ELAPOR1: variants seen among roughly 807,000 people sequenced by gnomAD.
The protein encoded by ELAPOR1 is endosome-lysosome associated apoptosis and autophagy regulator 1, also known as endosome/lysosome-associated apoptosis and autophagy regulator 1.
In ELAPOR1, 77 loss-of-function variants were observed where a neutral mutation model predicts 119.7. The observed-to-expected ratio is 0.64, with a 90% CI of 0.54 to 0.78. The LOEUF is 0.78. Ranked by LOEUF, ELAPOR1 falls within the 30% of genes least tolerant of loss-of-function variation. The pLI is 0.00. For synonymous variants in ELAPOR1, 481 were observed against 487.2 expected, an observed-to-expected ratio of 0.99 and a Z score of 0.17; for missense variants, 1,115 against 1,270.4, an observed-to-expected ratio of 0.88 and a Z score of 1.86.
intron 7 of ELAPOR1, among the ~76,000 whole-genome samples, chr1:109,181,929 G>T (rs1197274351): frequency 2.6e-5 from 4 of 152,188 alleles, no homozygotes; most frequent in Non-Finnish European, 5.9e-5. Context: ...ACGAACCCAT[G>T]TGGTGCCTGG....
At chr1:109,190,975 A>G (rs1270417682) in intron 11 of ELAPOR1, among the ~76,000 whole-genome samples, 1 of 152,152 alleles carries the variant, frequency 6.6e-6, no homozygotes, top group African/African-American at 2.4e-5. Flanking sequence ...GCAGATTCTG[A>G]TTCACTGGGC....
At chr1:109,200,968 T>C (rs1654136666) in intron 21 of ELAPOR1, 68 bp downstream of exon 21, 14 of 1,489,828 alleles carry the variant, frequency 9.4e-6, no homozygotes, top group Non-Finnish European at 1.3e-5. Flanking sequence ...CCTCAGACAC[T>C]GAATGGTCCT....
intron 1 of ELAPOR1, among the ~76,000 whole-genome samples, chr1:109,129,379 A>T (rs1244461224): frequency 2.6e-5 from 4 of 152,114 alleles, no homozygotes; most frequent in African/African-American, 9.7e-5. Flanking sequence ...GCGTGGTGGC[A>T]CACGCCTGTA....
At chr1:109,162,149 C>T (rs1258614972) in intron 2 of ELAPOR1, 135 bp downstream of exon 2, 5 of 934,562 alleles carry the variant, frequency 5.4e-6, no homozygotes, top group South Asian at 1.7e-5. Flanking sequence ...CAATTAGTCC[C>T]CACATCCCAG....
intron 14 of ELAPOR1, 57 bp from the exon 15 acceptor site, chr1:109,194,364 G>A (rs931874236): frequency 5.6e-5 from 85 of 1,511,824 alleles, no homozygotes; most frequent in South Asian, 1.8e-4. Context: ...ACTCTTGGCT[G>A]CAGGCCCTCA....
At chr1:109,177,291 C>T (rs1652383612) in intron 7 of ELAPOR1, among the ~76,000 whole-genome samples, 2 of 148,560 alleles carry the variant, frequency 1.3e-5, no homozygotes, top group East Asian at 2.0e-4. Context: ...ACGCTCCTCA[C>T]TTCCCAGACG....
In ELAPOR1 at chr1:109,118,900, C is replaced by CT. The variant is rs777752743; in HGVS notation, c.153+4579dup. On this transcript the variant is annotated intron_variant, in intron 1 of 21. Transcript: ENST00000369939. ...CTGTTTCCTCCTGTATTTGGTTCTT[C>CT]TTTTTTTTTTTTTTTGAGACGGAGT... Among the ~76,000 whole-genome samples the CT allele has an allele frequency of 7.6e-3, 977 of 128,138 alleles. 27 individuals carry two copies. The highest frequency in any genetic ancestry group is 0.022 in the African/African-American group (704 of 31,462). The allele number at this position is 128,138 out of a possible 152,430, so 84.1% of individuals were successfully genotyped here.
intron 15 of ELAPOR1, among the ~76,000 whole-genome samples, chr1:109,196,317 G>T (rs765491583): frequency 2.6e-5 from 4 of 152,192 alleles, no homozygotes; most frequent in Non-Finnish European, 5.9e-5. Flanking sequence ...ACTAATCTAT[G>T]AAAGATTAGA....
chr1:109,142,651 A>G (rs587727), intron 1 of ELAPOR1, among the ~76,000 whole-genome samples: 88,595 of 152,098 alleles, frequency 0.58, 27,700 homozygotes, highest in East Asian at 0.92. Context: ...ACAGATAATA[A>G]CAAGTGTGGT....
chr1:109,127,008 T>G, intron 1 of ELAPOR1, among the ~76,000 whole-genome samples: 1 of 152,070 alleles, frequency 6.6e-6, no homozygotes. Context: ...GTCAAACTCT[T>G]CCTTTCCTCA....
intron 1 of ELAPOR1, among the ~76,000 whole-genome samples, chr1:109,132,729 G>A (rs1649224882): frequency 6.6e-6 from 1 of 152,124 alleles, no homozygotes; most frequent in Non-Finnish European, 1.5e-5. Context: ...ACCCAAGGAA[G>A]GCCAGTGTAA....
chr1:109,194,742 G>A, intron 15 of ELAPOR1, 148 bp downstream of exon 15: 3 of 630,810 alleles, frequency 4.8e-6, no homozygotes, highest in East Asian at 2.8e-5. Flanking sequence ...TTCTCCCTGA[G>A]GACTTTTTCC....
intron 1 of ELAPOR1, among the ~76,000 whole-genome samples, chr1:109,136,985 G>T (rs2100990561): frequency 6.6e-6 from 1 of 152,304 alleles, no homozygotes; most frequent in African/African-American, 2.4e-5. Context: ...CCGGCCAGAA[G>T]GATTAGGGGC....
At position 109,206,529 on chromosome 1, in the gene ELAPOR1, G is replaced by A. The variant is rs1003052733; in HGVS notation, c.*3517G>A. 6.6e-6 allele frequency: 1 copy of A among 152,074 alleles called. No homozygotes were observed. Among genetic ancestry groups the A allele is most frequent in the Non-Finnish European group, 1.5e-5 (1 of 68,014 alleles). 9.4% of individuals were successfully genotyped at this position (152,074 alleles called of 1,614,324 possible). ...AGATTGTGGTGTATTCAAGCAGTAGGGTTTTTGCTTTTGTTTTTGTTTTAG... is the reference window on the plus strand; with the variant it reads ...AGATTGTGGTGTATTCAAGCAGTAGAGTTTTTGCTTTTGTTTTTGTTTTAG... On this transcript the variant is annotated 3_prime_UTR_variant, in exon 22 of 22. Transcript: ENST00000369939.
In ELAPOR1 at chr1:109,161,736, T is replaced by G. The variant is rs566843126; in HGVS notation, c.154-158T>G. 4.6e-4 allele frequency: 335 copies of G among 727,202 alleles called. 6 individuals carry two copies. The South Asian group carries it at 5.7e-3, about 12-fold the overall frequency. The allele number at this position is 727,202 out of a possible 1,614,324, so 45.0% of individuals were successfully genotyped here. On this transcript the variant is annotated intron_variant, in intron 1 of 21. Transcript: ENST00000369939. ...GAATGATCCAAATCATTGTAGTTCT[T>G]GTACTCGGTTCATAATCATCAGCTC... is the stretch of plus-strand genomic sequence containing the variant.
intron 1 of ELAPOR1, among the ~76,000 whole-genome samples, chr1:109,153,162 T>C (rs145957906): frequency 0.011 from 1,715 of 152,072 alleles, 28 homozygotes; most frequent in African/African-American, 0.039. Context: ...GTATTTCAAA[T>C]TTGCCATAAT....
chr1:109,157,406 T>C (rs17641881), intron 1 of ELAPOR1, among the ~76,000 whole-genome samples: 4,375 of 152,234 alleles, frequency 0.029, 110 homozygotes, highest in Middle Eastern at 0.071. Context: ...TTGACCTACA[T>C]CATCTTAATC....
chr1:109,195,980 A>C (rs1210212433), intron 15 of ELAPOR1, among the ~76,000 whole-genome samples: 2 of 152,086 alleles, frequency 1.3e-5, no homozygotes, highest in Non-Finnish European at 2.9e-5. Flanking sequence ...ACATGGTGAA[A>C]CCCTGTTTCT....
At chr1:109,139,645 A>G (rs944232275) in intron 1 of ELAPOR1, among the ~76,000 whole-genome samples, 1 of 152,246 alleles carries the variant, frequency 6.6e-6, no homozygotes, top group Non-Finnish European at 1.5e-5. Flanking sequence ...ATTGGAGGTT[A>G]AAAGAAAAAA....
Sources: allele counts gnomAD v4.1 joint callset (sites outside exome capture counted in the v4.1 genomes callset), GRCh38; gene constraint gnomAD v4.1.1; transcripts MANE v1.5; gene names NCBI Gene and HGNC (gene_info 2026-07-23, HGNC 2026-07-21).